The following LUZP2 variants were observed in gnomAD, a reference collection of about 807,000 sequenced individuals.
The protein encoded by LUZP2 is leucine zipper protein 2.
Under a neutral mutation model 51.6 loss-of-function variants are expected in LUZP2, and 52 were observed. The observed-to-expected ratio is 1.01, with a 90% CI of 0.81 to 1.27. The LOEUF (loss-of-function observed/expected upper bound fraction) is 1.27, where lower values mean the gene tolerates loss of function less well. Among genes scored for constraint, LUZP2 ranks in the 50% most tolerant of loss-of-function variants. The probability of loss-of-function intolerance (pLI) is 0.00; values close to 1 mark genes in which losing one functional copy is unlikely to be tolerated. For synonymous variants in LUZP2, 154 were observed against 137.3 expected (o/e 1.12, Z -0.85); for missense variants, 436 against 395.4 (o/e 1.10, Z -0.87).
chr11:24,572,194 T>A (rs755278884), intron 1 of LUZP2, among the ~76,000 whole-genome samples: 59 of 152,090 alleles, frequency 3.9e-4, no homozygotes, highest in Non-Finnish European at 5.7e-4. Context: ...ATTGTCAAAT[T>A]CCAACTATTT....
chr11:24,796,480 GTAA>G (rs1227721350), intron 5 of LUZP2, among the ~76,000 whole-genome samples: 35 of 130,148 alleles, frequency 2.7e-4, no homozygotes, highest in Non-Finnish European at 4.7e-4. Flanking sequence ...ATTTTGTATG[GTAA>G]TAATAATCTG....
At chr11:24,943,773 GAGGCTGAGGC>G (rs1174626272) in intron 7 of LUZP2, among the ~76,000 whole-genome samples, 1 of 151,710 alleles carries the variant, frequency 6.6e-6, no homozygotes, top group Non-Finnish European at 1.5e-5. Context: ...AGCTACTTGG[GAGGCTGAGGC>G]ATGAGAACCA....
At chr11:24,926,306 TGTGTATATATATAC>T (rs1361397851) in intron 7 of LUZP2, among the ~76,000 whole-genome samples, 5 of 126,180 alleles carry the variant, frequency 4.0e-5, no homozygotes, top group Admixed American at 8.1e-5. Flanking sequence ...TATATATACG[TGTGTATATATATAC>T]GTGTGTGTAT....
intron 9 of LUZP2, among the ~76,000 whole-genome samples, chr11:25,017,700 G>C (rs1465607032): frequency 6.6e-6 from 1 of 151,916 alleles, no homozygotes; most frequent in East Asian, 1.9e-4. Flanking sequence ...ATACCTCCAA[G>C]TTTGCTTATT....
At chr11:24,959,808 G>C (rs1288054966) in intron 7 of LUZP2, among the ~76,000 whole-genome samples, 1 of 152,254 alleles carries the variant, frequency 6.6e-6, no homozygotes, top group South Asian at 2.1e-4. Context: ...AGTGGTGAGA[G>C]AGGGCATCCC....
At chr11:24,668,143 A>G (rs189467082) in intron 1 of LUZP2, among the ~76,000 whole-genome samples, 1 of 152,346 alleles carries the variant, frequency 6.6e-6, no homozygotes, top group East Asian at 1.9e-4. Context: ...CATAGTGCAT[A>G]TGAAAGTTTG....
intron 1 of LUZP2, among the ~76,000 whole-genome samples, chr11:24,715,194 A>C (rs1422402149): frequency 2.0e-5 from 3 of 151,948 alleles, no homozygotes; most frequent in South Asian, 4.2e-4. Context: ...AATTATATGC[A>C]AATACTAGTC....
chr11:24,780,521 T>C (rs544255253), intron 5 of LUZP2, among the ~76,000 whole-genome samples: 43 of 152,228 alleles, frequency 2.8e-4, no homozygotes, highest in African/African-American at 9.4e-4. Context: ...ACACAAAAAC[T>C]ATTGAGCAGG....
intron 1 of LUZP2, among the ~76,000 whole-genome samples, chr11:24,711,836 G>T (rs563210943): frequency 2.6e-5 from 4 of 151,826 alleles, no homozygotes; most frequent in Non-Finnish European, 5.9e-5. Context: ...TAACATAATT[G>T]TATATAGGCA....
At chr11:24,890,078 G>T (rs1386238) in intron 5 of LUZP2, among the ~76,000 whole-genome samples, 145,523 of 152,242 alleles carry the variant, frequency 0.96, 69,874 homozygotes, top group East Asian at 1. Context: ...ATGGAAATCC[G>T]TATATTCAGA....
At chr11:24,973,383 A>G (rs1050217811) in intron 7 of LUZP2, among the ~76,000 whole-genome samples, 1 of 34,676 alleles carries the variant, frequency 2.9e-5, no homozygotes, top group Non-Finnish European at 1.2e-4. Context: ...TTTTTTTTCA[A>G]AAAAACAGCT....
At chr11:24,917,080 G>A (rs930213164) in intron 7 of LUZP2, among the ~76,000 whole-genome samples, 9 of 152,076 alleles carry the variant, frequency 5.9e-5, no homozygotes, top group Non-Finnish European at 1.2e-4. Flanking sequence ...TTCTCTGATG[G>A]CCAGTGATGA....
intron 4 of LUZP2, among the ~76,000 whole-genome samples, chr11:24,752,926 A>T (rs1257219674): frequency 1.3e-5 from 2 of 152,096 alleles, no homozygotes; most frequent in African/African-American, 4.8e-5. Context: ...TAAGTTTAAA[A>T]ATTGAAAATA....
intron 5 of LUZP2, among the ~76,000 whole-genome samples, chr11:24,864,471 T>A (rs7106703): frequency 0.16 from 24,055 of 152,152 alleles, 2,089 homozygotes; most frequent in African/African-American, 0.22. Context: ...AGGCAATAGA[T>A]TTGTTTCTAA....
rs1554940482 is a variant in LUZP2, at chr11:24,926,361, G to GTGTA, written c.522+11824_522+11825insGTAT. Among the ~76,000 whole-genome samples, 9 of 57,390 alleles carry GTGTA rather than the reference G, an allele frequency of 1.6e-4. 1 individual carries two copies. The highest frequency in any genetic ancestry group is 3.4e-5 in the Non-Finnish European group (1 of 29,108). The allele number at this position is 57,390 out of a possible 152,430, so 37.7% of individuals were successfully genotyped here. ...TATACGTGTGTATATATATACGTGTGTATATATATATACGTGTGTATATAT... is the reference window on the plus strand; with the variant it reads ...TATACGTGTGTATATATATACGTGTGTGTATATATATATATACGTGTGTATATAT... On this transcript the variant is annotated intron_variant, in intron 7 of 11. Coordinates refer to ENST00000336930, the MANE Select transcript of LUZP2 (RefSeq NM_001009909.4).
Position 25,019,661 on chromosome 11 carries a change from AC to A in LUZP2, c.766-30376del, listed in dbSNP as rs369194693. Among the ~76,000 whole-genome samples the A allele has an allele frequency of 3.5e-3, 528 of 152,242 alleles. 5 individuals carry two copies. In the Middle Eastern group the frequency reaches 0.061, roughly 18 times the overall value. On this transcript the variant is annotated intron_variant, in intron 9 of 11. Coordinates refer to ENST00000336930, the MANE Select transcript of LUZP2 (RefSeq NM_001009909.4). The stretch of plus-strand genomic sequence containing the variant: ...TCAACTCAATAGCATTTAATATAGA[AC>A]TTTTACTAGCAGAATAGATGATGGA...
intron 5 of LUZP2, among the ~76,000 whole-genome samples, chr11:24,885,838 A>G (rs1437489929): frequency 6.6e-6 from 1 of 152,208 alleles, no homozygotes; most frequent in Non-Finnish European, 1.5e-5. Flanking sequence ...AGTGAAGAAT[A>G]GAAACCTCAT....
intron 5 of LUZP2, among the ~76,000 whole-genome samples, chr11:24,823,146 A>T (rs1281598186): frequency 6.6e-6 from 1 of 152,214 alleles, no homozygotes; most frequent in East Asian, 1.9e-4. Context: ...CGGTAAGGTT[A>T]TGTGATACAC....
chr11:24,990,187 G>A (rs763408996), intron 9 of LUZP2, among the ~76,000 whole-genome samples: 8 of 151,732 alleles, frequency 5.3e-5, no homozygotes, highest in South Asian at 2.1e-4. Context: ...TACCTTTTTC[G>A]AGGTAGTTCA....
Sources: allele counts gnomAD v4.1 joint callset (sites outside exome capture counted in the v4.1 genomes callset), GRCh38; gene constraint gnomAD v4.1.1; transcripts MANE v1.5; gene names NCBI Gene and HGNC (gene_info 2026-07-23, HGNC 2026-07-21).